The following NCAPG2 variants were observed in gnomAD, a reference collection of about 807,000 sequenced individuals.
NCAPG2 encodes condensin-2 complex subunit G2.
In NCAPG2, 53 loss-of-function variants were observed where a neutral mutation model predicts 141.1. The ratio of observed to expected loss-of-function variants is 0.38; its 90% confidence interval spans 0.30 to 0.47. The LOEUF (loss-of-function observed/expected upper bound fraction) is 0.47. NCAPG2 is among the 20% of genes least tolerant of loss of function. NCAPG2 has a pLI of 0.99. For synonymous variants in NCAPG2, 499 were observed against 490.7 expected (o/e 1.02, Z -0.22); for missense variants, 1,087 against 1,389.0 (o/e 0.78, Z 3.46).
intron 17 of NCAPG2, among the ~76,000 whole-genome samples, chr7:158,657,226 T>C (rs1358938570): frequency 6.6e-6 from 1 of 152,248 alleles, no homozygotes; most frequent in Admixed American, 6.5e-5. Context: ...AACATAATCT[T>C]ATTTAATCTA....
rs1834342436 is a variant in NCAPG2 at position 158,679,933 on chromosome 7, A to C, written c.1146+27T>G. ...AGCCTGGACAAAGCTGATATCTGTA[A>C]GAAGCTTGACCACCTGAAGTACGTA... On this transcript the variant is annotated intron_variant, in intron 11 of 27. Coordinates refer to ENST00000356309, the MANE Select transcript of NCAPG2 (RefSeq NM_017760.7). The C allele has an allele frequency of 2.5e-6, 4 of 1,611,620 alleles. No homozygotes were observed. The South Asian group carries it at 3.3e-5, about 13-fold the overall frequency.
intron 17 of NCAPG2, among the ~76,000 whole-genome samples, chr7:158,657,212 C>T (rs1490957575): frequency 6.6e-6 from 1 of 152,210 alleles, no homozygotes; most frequent in Non-Finnish European, 1.5e-5. Flanking sequence ...AAACTAATTT[C>T]AATAACATAA....
chr7:158,656,110 C>T, intron 19 of NCAPG2, 150 bp downstream of exon 19: 1 of 1,068,820 alleles, frequency 9.4e-7, no homozygotes, highest in Non-Finnish European at 1.3e-6. Context: ...GGCTCCATGC[C>T]TTGTACCAAC....
intron 10 of NCAPG2, 148 bp downstream of exon 10, chr7:158,680,573 G>A: frequency 2.1e-6 from 1 of 481,596 alleles, no homozygotes; most frequent in Non-Finnish European, 3.4e-6. Flanking sequence ...TTTAATAAAA[G>A]AAAAAAACAT....
In NCAPG2 at chr7:158,633,709, G is replaced by C. The variant is rs1830020867; in HGVS notation, c.3381-1992C>G. On this transcript the variant is annotated intron_variant, in intron 27 of 27. Transcript: ENST00000356309. The surrounding 1 kb of genome is among the most constrained non-coding windows in gnomAD (Gnocchi z 4.1). ...CAGCAGTGCAGCCAGAGGCAAGACA[G>C]AGGAGAACAGGCCCAGGAAGTCATG... 1.3e-5 allele frequency among the ~76,000 whole-genome samples: 2 copies of C among 152,178 alleles called. No homozygotes were observed. The highest frequency in any genetic ancestry group is 1.3e-4 in the Admixed American group (2 of 15,276).
At chr7:158,673,816 T>A (rs115771492) in intron 12 of NCAPG2, among the ~76,000 whole-genome samples, 1,926 of 151,966 alleles carry the variant, frequency 0.013, 44 homozygotes, top group African/African-American at 0.044. Flanking sequence ...AGAGTAAGAG[T>A]ATTCAACCAA....
chr7:158,653,570 G>A lies in NCAPG2; in HGVS notation c.2746+1025C>T, dbSNP rs146908441. ...TCCTAGCATCTACTTCAGTTGCAAC[G>A]TCATGAAGACAGATACACTGGGGGT... On this transcript the variant is annotated intron_variant, in intron 22 of 27. Transcript: ENST00000356309. Among the ~76,000 whole-genome samples, 946 of 152,168 alleles carry A rather than the reference G, an allele frequency of 6.2e-3. 3 individuals are homozygous for A. Among genetic ancestry groups the A allele is most frequent in the Non-Finnish European group, 8.8e-3 (597 of 67,994 alleles).
At chr7:158,704,135 G>A (rs1303292485) in intron 1 of NCAPG2, among the ~76,000 whole-genome samples, 1 of 149,810 alleles carries the variant, frequency 6.7e-6, no homozygotes, top group East Asian at 2.0e-4. Flanking sequence ...CTCTCTGAGG[G>A]CAGTGCCCAT....
chr7:158,654,987 A>T, intron 21 of NCAPG2, 131 bp downstream of exon 21: 2 of 1,241,744 alleles, frequency 1.6e-6, no homozygotes, highest in Non-Finnish European at 2.2e-6. Flanking sequence ...CTAGAAAGTT[A>T]GATAAATGTC....
intron 9 of NCAPG2, among the ~76,000 whole-genome samples, chr7:158,682,149 C>G (rs1176825756): frequency 1.3e-5 from 2 of 152,126 alleles, no homozygotes; most frequent in Non-Finnish European, 2.9e-5. Context: ...ATTACTCAGA[C>G]TACCACAGCA....
intron 2 of NCAPG2, among the ~76,000 whole-genome samples, chr7:158,696,923 C>T (rs1341210970): frequency 6.6e-6 from 1 of 152,214 alleles, no homozygotes. Context: ...AGAGTGGTCC[C>T]ATAAGATTAT....
intron 14 of NCAPG2, 108 bp downstream of exon 14, chr7:158,664,420 G>A: frequency 6.7e-7 from 1 of 1,483,834 alleles, no homozygotes; most frequent in South Asian, 1.2e-5. Context: ...ATTCAGAAAT[G>A]CATTAAAGTA....
At chr7:158,672,286 GTGTGTGTATATATATATATA>G (rs1177712516) in intron 12 of NCAPG2, among the ~76,000 whole-genome samples, 4 of 25,866 alleles carry the variant, frequency 1.5e-4, no homozygotes, top group African/African-American at 6.2e-4. Flanking sequence ...ACATGTGTGT[GTGTGTGTATATATATATATA>G]TATATATATA....
At chr7:158,698,978 G>A (rs1835627092) in intron 2 of NCAPG2, among the ~76,000 whole-genome samples, 1 of 151,902 alleles carries the variant, frequency 6.6e-6, no homozygotes, top group Non-Finnish European at 1.5e-5. Context: ...GTAGAGACGG[G>A]GTCTTACTAT....
intron 17 of NCAPG2, 72 bp downstream of exon 17, chr7:158,658,266 T>C: frequency 7.1e-7 from 1 of 1,398,712 alleles, no homozygotes; most frequent in Non-Finnish European, 9.7e-7. Context: ...TCTGCTGACA[T>C]GAATTAATAA....
At chr7:158,656,188 G>A (rs2129459193) in intron 19 of NCAPG2, 72 bp downstream of exon 19, 2 of 1,520,794 alleles carry the variant, frequency 1.3e-6, no homozygotes, top group Non-Finnish European at 1.8e-6. Flanking sequence ...CTGTAAATAT[G>A]AAAGCTTCAC....
chr7:158,667,423 G>A (rs1397939792), intron 13 of NCAPG2, among the ~76,000 whole-genome samples: 4 of 80,794 alleles, frequency 5.0e-5, no homozygotes, highest in Admixed American at 1.1e-4. Context: ...CCACTACTGG[G>A]TCCCTCCGCC....
chr7:158,690,991 G>C (rs1281091141), intron 4 of NCAPG2, among the ~76,000 whole-genome samples: 1 of 152,024 alleles, frequency 6.6e-6, no homozygotes, highest in African/African-American at 2.4e-5. Flanking sequence ...CAGAGAAATC[G>C]TATCACCAAT....
intron 24 of NCAPG2, among the ~76,000 whole-genome samples, chr7:158,650,247 A>G (rs768652795): frequency 3.3e-5 from 5 of 152,092 alleles, no homozygotes; most frequent in Non-Finnish European, 7.4e-5. Context: ...GAGTTTCATC[A>G]TGTTGGCCAG....
Sources: allele counts gnomAD v4.1 joint callset (sites outside exome capture counted in the v4.1 genomes callset), GRCh38; gene constraint gnomAD v4.1.1; non-coding constraint Gnocchi (gnomAD v3.1); transcripts MANE v1.5; gene names NCBI Gene and HGNC (gene_info 2026-07-23, HGNC 2026-07-21).